The following SEH1L variants were observed in gnomAD, a reference collection of about 807,000 sequenced individuals.
SEH1L encodes SEH1 like nucleoporin.
In SEH1L, 18 loss-of-function variants were observed where a neutral mutation model predicts 49.5. The ratio of observed to expected loss-of-function variants is 0.36; its 90% CI spans 0.25 to 0.54. The LOEUF (loss-of-function observed/expected upper bound fraction) is 0.54, where lower values mean the gene tolerates loss of function less well. Among genes scored for constraint, SEH1L ranks in the 20% least tolerant of loss-of-function variants. The pLI, the probability that SEH1L is intolerant of heterozygous loss-of-function variation, is 0.87. For synonymous variants in SEH1L, 169 were observed against 178.1 expected, an observed-to-expected ratio of 0.95 and a Z score of 0.41; for missense variants, 404 against 528.8, an observed-to-expected ratio of 0.76 and a Z score of 2.31.
chr18:12,955,148 T>G (rs2030775083), intron 2 of SEH1L, among the ~76,000 whole-genome samples: 1 of 151,500 alleles, frequency 6.6e-6, no homozygotes, highest in Non-Finnish European at 1.5e-5. Context: ...GAAGCAACTC[T>G]CCAACTATCA....
Sources: gnomAD v4.1 joint callset for allele counts (sites outside exome capture counted in the v4.1 genomes callset) on GRCh38, gnomAD v4.1.1 for gene constraint, MANE v1.5 for transcripts, NCBI Gene and HGNC (gene_info 2026-07-23, HGNC 2026-07-21) for gene names.